The following GPHN variants were observed in gnomAD, a reference collection of about 807,000 sequenced individuals.
The protein encoded by GPHN is gephyrin.
A neutral mutation model predicts 95.5 loss-of-function variants in GPHN; 17 were observed. The observed-to-expected ratio is 0.18, with a 90% confidence interval of 0.12 to 0.27. The LOEUF (loss-of-function observed/expected upper bound fraction) is 0.27, where lower values mean the gene tolerates loss of function less well. Among genes scored for constraint, GPHN ranks in the 10% least tolerant of loss-of-function variants. GPHN has a pLI of 1.00. For missense variants in GPHN, 660 were observed against 978.1 expected (o/e 0.67, Z 4.34); for synonymous variants, 320 against 322.5 (o/e 0.99, Z 0.08).
At chr14:67,268,315 T>C in the GPHN span, among the ~76,000 whole-genome samples, 1 of 152,224 alleles carries the variant, frequency 6.6e-6, no homozygotes, top group African/African-American at 2.4e-5. Flanking sequence ...AGAACTCTCA[T>C]ACGATCGAAT....
At chr14:67,374,321 A>G in the GPHN span, 9,873 of 454,016 alleles carry the variant, frequency 0.022, 157 homozygotes, top group Non-Finnish European at 0.028. Context: ...CAGCCTTGTA[A>G]TACTTATGCA....
chr14:67,507,262 T>C, the GPHN span, among the ~76,000 whole-genome samples: 2 of 151,980 alleles, frequency 1.3e-5, no homozygotes, highest in South Asian at 2.1e-4. Context: ...AGTGGGAGGA[T>C]TGCTTGAACC....
chr14:66,683,999 C>G (rs1398790517), intron 2 of GPHN, among the ~76,000 whole-genome samples: 5 of 151,542 alleles, frequency 3.3e-5, no homozygotes, highest in Non-Finnish European at 7.4e-5. Flanking sequence ...AACTCCTCCT[C>G]AAAAAATCAC....
the GPHN span, among the ~76,000 whole-genome samples, chr14:67,675,071 C>T: frequency 6.6e-6 from 1 of 152,212 alleles, no homozygotes; most frequent in African/African-American, 2.4e-5. Context: ...TCGCGCTTTG[C>T]TTTGCCACCC....
intron 4 of GPHN, among the ~76,000 whole-genome samples, chr14:66,847,611 T>A (rs899108516): frequency 2.6e-5 from 4 of 152,038 alleles, no homozygotes; most frequent in African/African-American, 7.2e-5. Flanking sequence ...AGGCAACTAC[T>A]CCCTAACAAA....
At chr14:66,567,038 G>A (rs954617705) in intron 1 of GPHN, among the ~76,000 whole-genome samples, 9 of 152,188 alleles carry the variant, frequency 5.9e-5, no homozygotes, top group East Asian at 5.8e-4. Flanking sequence ...TAGGCAGGGC[G>A]TATCAGGAAA....
intron 16 of GPHN, among the ~76,000 whole-genome samples, chr14:67,118,270 C>T (rs193177058): frequency 6.6e-6 from 1 of 152,268 alleles, no homozygotes; most frequent in East Asian, 1.9e-4. Flanking sequence ...AAGAACAGTA[C>T]ATTCTTAGAG....
At chr14:67,204,823 A>AC in the GPHN span, 4 of 1,613,766 alleles carry the variant, frequency 2.5e-6, no homozygotes, top group African/African-American at 5.3e-5. Context: ...AGCCATCCTG[A>AC]CCCCGTACAT....
downstream of GPHN, among the ~76,000 whole-genome samples, chr14:67,184,444 T>G (rs1384124887): frequency 6.6e-6 from 1 of 151,224 alleles, no homozygotes. Context: ...GGTGAGGGGG[T>G]AGAGGTGATG....
At chr14:67,345,658 G>A in the GPHN span, 2 of 653,274 alleles carry the variant, frequency 3.1e-6, no homozygotes, top group Non-Finnish European at 5.4e-6. Flanking sequence ...AGGATCATGG[G>A]AACAGTTAAA....
chr14:66,710,846 C>T (rs1480775717), intron 2 of GPHN, among the ~76,000 whole-genome samples: 1 of 152,046 alleles, frequency 6.6e-6, no homozygotes, highest in Non-Finnish European at 1.5e-5. Flanking sequence ...TATCATGAGG[C>T]TTAAATTAGG....
chr14:67,436,329 G>T, the GPHN span, among the ~76,000 whole-genome samples: 1 of 152,222 alleles, frequency 6.6e-6, no homozygotes, highest in African/African-American at 2.4e-5. Flanking sequence ...GCCAGGCCTA[G>T]CCCAGCAACA....
the GPHN span, among the ~76,000 whole-genome samples, chr14:67,520,758 G>C: frequency 6.6e-6 from 1 of 152,172 alleles, no homozygotes; most frequent in Non-Finnish European, 1.5e-5. Context: ...TGGCAATTAA[G>C]AATAAAGCTG....
chr14:67,729,234 C>T, the GPHN span: 1 of 1,611,296 alleles, frequency 6.2e-7, no homozygotes, highest in Non-Finnish European at 8.5e-7. Flanking sequence ...GCGTCGTCCG[C>T]TCTGAGCTGG....
chr14:66,980,075 G>A (rs756398030), intron 9 of GPHN, among the ~76,000 whole-genome samples: 2 of 152,066 alleles, frequency 1.3e-5, no homozygotes, highest in South Asian at 2.1e-4. Context: ...ATCAAAGATC[G>A]CTGATCATAG....
the GPHN span, among the ~76,000 whole-genome samples, chr14:67,569,367 C>T: frequency 6.6e-6 from 1 of 152,166 alleles, no homozygotes; most frequent in Non-Finnish European, 1.5e-5. Context: ...GGTGAAATCA[C>T]AGCAAGTCCC....
At chr14:67,012,037 A>G (rs917730956) in intron 9 of GPHN, among the ~76,000 whole-genome samples, 2 of 152,180 alleles carry the variant, frequency 1.3e-5, no homozygotes, top group African/African-American at 4.8e-5. Flanking sequence ...CACTGAACCA[A>G]CGCACCTCCT....
the GPHN span, among the ~76,000 whole-genome samples, chr14:67,483,100 GC>G: frequency 6.6e-6 from 1 of 151,850 alleles, no homozygotes; most frequent in African/African-American, 2.4e-5. Flanking sequence ...AACCTCTGTC[GC>G]CCGGGTTCAA....
chr14:67,547,776 G>A, the GPHN span, among the ~76,000 whole-genome samples: 15 of 152,082 alleles, frequency 9.9e-5, no homozygotes, highest in Admixed American at 2.6e-4. Flanking sequence ...TGACTCCCTC[G>A]TACAAAATTG....
Sources: allele counts gnomAD v4.1 joint callset (sites outside exome capture counted in the v4.1 genomes callset), GRCh38; gene constraint gnomAD v4.1.1; transcripts MANE v1.5; gene names NCBI Gene and HGNC (gene_info 2026-07-23, HGNC 2026-07-21).